The following TEX264 variants were observed in gnomAD, a reference collection of about 807,000 sequenced individuals.
TEX264 encodes testis-expressed protein 264.
In TEX264, 13 loss-of-function variants were observed where a neutral mutation model predicts 23.4. The observed-to-expected ratio is 0.56, with a 90% confidence interval of 0.36 to 0.88. The LOEUF (loss-of-function observed/expected upper bound fraction) is 0.88. Among genes scored for constraint, TEX264 ranks in the 40% least tolerant of loss-of-function variants. The probability of loss-of-function intolerance (pLI) is 0.01; values close to 1 mark genes in which losing one functional copy is unlikely to be tolerated. For synonymous variants in TEX264, 159 were observed against 170.0 expected (o/e 0.94, Z 0.50); for missense variants, 340 against 406.8 (o/e 0.84, Z 1.41).
At position 51,703,826 on chromosome 3, in the gene TEX264, G is replaced by T; in HGVS notation, c.752G>T (p.Gly251Val). The change falls in exon 5 of 5, where the codon GGC becomes GTC. Residue 251 changes from glycine to valine, a missense_variant. Transcript: ENST00000341333. The surrounding 1 kb of genome is among the most constrained non-coding windows in gnomAD (Gnocchi z 4.8). The part of the protein sequence containing the change: ...ATLSPGASSR[G>V]WDDGDTRSEH... ...CTGTCACCTGGGGCGAGCAGCCGTGGCTGGGATGACGGTGACACCCGCAGC... is the reference window on the plus strand; with the variant it reads ...CTGTCACCTGGGGCGAGCAGCCGTGTCTGGGATGACGGTGACACCCGCAGC... 6.2e-7 allele frequency: 1 copy of T among 1,612,772 alleles called. No individual in the cohort carries two copies. Among genetic ancestry groups the T allele is most frequent in the Non-Finnish European group, 8.5e-7 (1 of 1,179,096 alleles).
chr3:51,689,142 A>T (rs1702733252), intron 3 of TEX264, among the ~76,000 whole-genome samples: 1 of 151,002 alleles, frequency 6.6e-6, no homozygotes, highest in Non-Finnish European at 1.5e-5. Flanking sequence ...TAGATAAATG[A>T]AGGGGGCATG....
At chr3:51,680,810 A>T (rs1473644404) in intron 2 of TEX264, among the ~76,000 whole-genome samples, 1 of 152,206 alleles carries the variant, frequency 6.6e-6, no homozygotes, top group Non-Finnish European at 1.5e-5. Flanking sequence ...GCCAAGGTGG[A>T]TGGGGTCTCT....
rs201524068 is a variant in TEX264 at position 51,697,364 on chromosome 3, T to G, written c.481-2042T>G. ...CCAGAAGGGAAGCTAGGGAGGTGGC[T>G]TGAGTGTTGAGAGGGGTTGGGCTAG... On this transcript the variant is annotated intron_variant, in intron 3 of 4. Transcript: ENST00000341333. 1.2e-4 allele frequency among the ~76,000 whole-genome samples: 18 copies of G among 152,270 alleles called. No homozygotes were observed. The East Asian group carries it at 3.5e-3, about 29-fold the overall frequency.
In TEX264 at chr3:51,703,497, C is replaced by CCT. The variant is rs893244501; in HGVS notation, c.650-221_650-220dup. Among the ~76,000 whole-genome samples, 3 of 151,588 alleles carry CCT rather than the reference C, an allele frequency of 2.0e-5. No homozygotes were observed. The highest frequency in any genetic ancestry group is 3.9e-4 in the East Asian group (2 of 5,148). On this transcript the variant is annotated intron_variant, in intron 4 of 4. Transcript: ENST00000341333. This position sits in a 1 kb window ranked among gnomAD's most constrained non-coding sequence, Gnocchi z 4.8. ...AGAGTGCACAGCTGCCTCCTCCCACCCTCTCTCCCTCCCTCCCTCCTTCCC... is the reference window on the plus strand; with the variant it reads ...AGAGTGCACAGCTGCCTCCTCCCACCCTCTCTCTCCCTCCCTCCCTCCTTCCC...
chr3:51,699,396 C>CT lies in TEX264; in HGVS notation c.481-9dup, dbSNP rs1703195237. ...AGGGCTCATTCTACCTTTTGCCACT[C>CT]TCTGACTAGGAGCGGAAGCTGTGTG... is the stretch of plus-strand genomic sequence containing the variant. On this transcript the variant is annotated splice_polypyrimidine_tract_variant and intron_variant, in intron 3 of 4. Coordinates refer to ENST00000341333, the MANE Select transcript of TEX264 (RefSeq NM_015926.6). The CT allele has an allele frequency of 1.2e-6, 2 of 1,612,472 alleles. No individual in the cohort carries two copies. The highest frequency in any genetic ancestry group is 1.7e-6 in the Non-Finnish European group (2 of 1,178,576).
chr3:51,680,947 C>T (rs1702408539), intron 2 of TEX264, among the ~76,000 whole-genome samples: 1 of 152,226 alleles, frequency 6.6e-6, no homozygotes, highest in African/African-American at 2.4e-5. Flanking sequence ...AGCCTTGCCA[C>T]TCCCTAGGTT....
chr3:51,693,486 T>TG (rs1195227160), intron 3 of TEX264, among the ~76,000 whole-genome samples: 4 of 149,584 alleles, frequency 2.7e-5, no homozygotes, highest in African/African-American at 9.8e-5. Flanking sequence ...GTTTTTTTTT[T>TG]TTTTTTTTTT....
chr3:51,683,430 A>G (rs1412719568), intron 2 of TEX264: 2 of 152,208 alleles, frequency 1.3e-5, no homozygotes, highest in Non-Finnish European at 2.9e-5. Flanking sequence ...AGGCTCACAT[A>G]GGAGCCTTAC....
In TEX264 at chr3:51,691,326, T is replaced by G. The variant is rs1702820665; in HGVS notation, c.480+6692T>G. On this transcript the variant is annotated intron_variant, in intron 3 of 4. Coordinates refer to ENST00000341333, the MANE Select transcript of TEX264 (RefSeq NM_015926.6). This position sits in a 1 kb window ranked among gnomAD's most constrained non-coding sequence, Gnocchi z 4.4. ...TCTCAAGGGCTGGCTTACCTGCTGG[T>G]ACTGCCACCTGCTAAGTGGCCTGCT... Among the ~76,000 whole-genome samples, 2 of 152,184 alleles carry G rather than the reference T, an allele frequency of 1.3e-5. No individual in the cohort carries two copies. Among genetic ancestry groups the G allele is most frequent in the African/African-American group, 4.8e-5 (2 of 41,430 alleles).
intron 1 of TEX264, 32 bp from the exon 2 acceptor site, chr3:51,674,239 C>T (rs957287412): frequency 1.2e-4 from 188 of 1,598,484 alleles, no homozygotes; most frequent in Non-Finnish European, 1.5e-4. Flanking sequence ...GAGTAGGCTA[C>T]CAGCCTCCTC....
At chr3:51,678,138 A>G (rs972643351) in intron 2 of TEX264, among the ~76,000 whole-genome samples, 1 of 152,100 alleles carries the variant, frequency 6.6e-6, no homozygotes, top group African/African-American at 2.4e-5. Context: ...AAGGGTCCTG[A>G]CTAGAAAAAC....
intron 3 of TEX264, among the ~76,000 whole-genome samples, chr3:51,685,045 T>C (rs1702568807): frequency 6.6e-6 from 1 of 152,340 alleles, no homozygotes; most frequent in Middle Eastern, 3.4e-3. Context: ...TAATCATGTA[T>C]TGCCCGTGGC....
In TEX264 at chr3:51,686,892, G is replaced by A. The variant is rs1007716283; in HGVS notation, c.480+2258G>A. On this transcript the variant is annotated intron_variant, in intron 3 of 4. Transcript: ENST00000341333. This position sits in a 1 kb window ranked among gnomAD's most constrained non-coding sequence, Gnocchi z 4.1. ...CCTCAGAACAGGACATGTGGCATGT[G>A]GTGTGGTGGTGAGCAACTCAGCCAC... Among the ~76,000 whole-genome samples, 6 of 152,218 alleles carry A rather than the reference G, an allele frequency of 3.9e-5. No individual in the cohort carries two copies. The highest frequency in any genetic ancestry group is 8.8e-5 in the Non-Finnish European group (6 of 68,038).
At chr3:51,699,374 G>A in intron 3 of TEX264, 32 bp from the exon 4 acceptor site, 4 of 1,609,158 alleles carry the variant, frequency 2.5e-6, no homozygotes, top group Non-Finnish European at 3.4e-6. Flanking sequence ...GCCCTGTAGG[G>A]CTCATTCTAC....
chr3:51,689,517 A>G (rs1702750566), intron 3 of TEX264, among the ~76,000 whole-genome samples: 1 of 151,368 alleles, frequency 6.6e-6, no homozygotes, highest in South Asian at 2.1e-4. Flanking sequence ...CCCAGACCAT[A>G]GTTCTCAGAC....
intron 3 of TEX264, among the ~76,000 whole-genome samples, chr3:51,687,887 C>T (rs950594211): frequency 2.6e-5 from 4 of 152,214 alleles, no homozygotes; most frequent in African/African-American, 9.7e-5. Flanking sequence ...CTTGTCAGGA[C>T]TCTCGGGATT....
At chr3:51,698,278 G>A (rs965907116) in intron 3 of TEX264, among the ~76,000 whole-genome samples, 1 of 152,224 alleles carries the variant, frequency 6.6e-6, no homozygotes, top group Admixed American at 6.5e-5. Flanking sequence ...GAGTCTTGGA[G>A]TGGCTTCTCC....
At chr3:51,700,204 C>T (rs1420188263) in intron 4 of TEX264, among the ~76,000 whole-genome samples, 2 of 152,162 alleles carry the variant, frequency 1.3e-5, no homozygotes, top group Admixed American at 1.3e-4. Context: ...TCTGTGACCC[C>T]GGGCTGTCTC....
Position 51,686,131 on chromosome 3 carries a change from G to T in TEX264, c.480+1497G>T, listed in dbSNP as rs1702612374. On this transcript the variant is annotated intron_variant, in intron 3 of 4. Transcript: ENST00000341333. The surrounding 1 kb of genome is among the most constrained non-coding windows in gnomAD (Gnocchi z 4.1). The stretch of plus-strand genomic sequence containing the variant: ...AGTCAGCAATGGTATGTGTGGCCTG[G>T]AGTTGAGGAAAGGCTGGGCTGGTGG... Among the ~76,000 whole-genome samples, 1 of 152,200 alleles carries T rather than the reference G, an allele frequency of 6.6e-6. No homozygotes were observed. The highest frequency in any genetic ancestry group is 2.4e-5 in the African/African-American group (1 of 41,446).
Sources: gnomAD v4.1 joint callset for allele counts (sites outside exome capture counted in the v4.1 genomes callset) on GRCh38, gnomAD v4.1.1 for gene constraint, Gnocchi (gnomAD v3.1) non-coding constraint, MANE v1.5 for transcripts, NCBI Gene and HGNC (gene_info 2026-07-23, HGNC 2026-07-21) for gene names.